The following UNC5D variants were observed in gnomAD, a reference collection of about 807,000 sequenced individuals.
The protein encoded by UNC5D is unc-5 netrin receptor D.
In UNC5D, 39 loss-of-function variants were observed where a neutral mutation model predicts 105.4. The ratio of observed to expected loss-of-function variants is 0.37; its 90% CI spans 0.29 to 0.48. The LOEUF (loss-of-function observed/expected upper bound fraction) is 0.48. Ranked by LOEUF, UNC5D falls within the 20% of genes least tolerant of loss-of-function variation. The probability of loss-of-function intolerance (pLI) is 0.98; values close to 1 mark genes in which losing one functional copy is unlikely to be tolerated. For missense variants in UNC5D, 991 were observed against 1,202.4 expected (o/e 0.82, Z 2.60); for synonymous variants, 452 against 450.4 (o/e 1.00, Z -0.04).
intron 1 of UNC5D, among the ~76,000 whole-genome samples, chr8:35,496,818 C>T (rs1012501723): frequency 1.4e-4 from 22 of 152,162 alleles, no homozygotes; most frequent in Admixed American, 5.2e-4. Context: ...TACAAAGCAG[C>T]TATTCTACAG....
intron 1 of UNC5D, among the ~76,000 whole-genome samples, chr8:35,273,616 C>T (rs1374033778): frequency 3.3e-5 from 5 of 152,146 alleles, no homozygotes; most frequent in Admixed American, 3.3e-4. Context: ...AAGTATTTTT[C>T]CCCAAGGAAA....
At chr8:35,576,860 G>T (rs765732500) in intron 3 of UNC5D, among the ~76,000 whole-genome samples, 3 of 151,984 alleles carry the variant, frequency 2.0e-5, no homozygotes, top group Non-Finnish European at 4.4e-5. Flanking sequence ...TGATCCTCCC[G>T]CCTCGGCCTC....
At chr8:35,504,800 C>T (rs1812200871) in intron 1 of UNC5D, among the ~76,000 whole-genome samples, 1 of 152,102 alleles carries the variant, frequency 6.6e-6, no homozygotes, top group Non-Finnish European at 1.5e-5. Flanking sequence ...CGCATCTGTT[C>T]ATGGTGGTTC....
At chr8:35,444,521 C>A (rs576496545) in intron 1 of UNC5D, among the ~76,000 whole-genome samples, 2 of 151,970 alleles carry the variant, frequency 1.3e-5, no homozygotes, top group Non-Finnish European at 2.9e-5. Context: ...ATGGCATATA[C>A]CATGCATATA....
chr8:35,337,980 C>T (rs1490499028), intron 1 of UNC5D, among the ~76,000 whole-genome samples: 3 of 152,198 alleles, frequency 2.0e-5, no homozygotes, highest in Non-Finnish European at 4.4e-5. Flanking sequence ...TTGCAGAATG[C>T]AAATGATTAT....
chr8:35,282,368 A>G (rs1294494784), intron 1 of UNC5D, among the ~76,000 whole-genome samples: 1 of 152,170 alleles, frequency 6.6e-6, no homozygotes, highest in Non-Finnish European at 1.5e-5. Context: ...TTCCTCTTGT[A>G]AGGAACAATA....
chr8:35,300,976 T>C (rs1270073452), intron 1 of UNC5D, among the ~76,000 whole-genome samples: 2 of 152,208 alleles, frequency 1.3e-5, no homozygotes, highest in Non-Finnish European at 2.9e-5. Flanking sequence ...TGTGTATGTT[T>C]ATGTGTATAC....
intron 1 of UNC5D, among the ~76,000 whole-genome samples, chr8:35,295,385 T>G (rs1807406826): frequency 6.6e-6 from 1 of 152,242 alleles, no homozygotes; most frequent in Non-Finnish European, 1.5e-5. Flanking sequence ...CAAGTTTTTT[T>G]CAAATTGTTG....
chr8:35,598,065 C>G (rs781651506), intron 4 of UNC5D, among the ~76,000 whole-genome samples: 12 of 152,086 alleles, frequency 7.9e-5, no homozygotes, highest in Non-Finnish European at 1.8e-4. Flanking sequence ...TTCCCCAGTT[C>G]TCACACTGCT....
chr8:35,586,999 A>AG (rs1818832629), intron 3 of UNC5D, among the ~76,000 whole-genome samples: 1 of 152,148 alleles, frequency 6.6e-6, no homozygotes, highest in African/African-American at 2.4e-5. Flanking sequence ...GGGGTGAGGA[A>AG]GGGGAGGCTG....
intron 1 of UNC5D, among the ~76,000 whole-genome samples, chr8:35,302,074 A>C (rs972579396): frequency 1.3e-5 from 2 of 152,182 alleles, no homozygotes; most frequent in Non-Finnish European, 2.9e-5. Flanking sequence ...AAATGGGATT[A>C]GAGGTGCTGG....
intron 1 of UNC5D, chr8:35,255,192 A>G (rs1283951497): frequency 3.3e-5 from 5 of 152,124 alleles, no homozygotes; most frequent in African/African-American, 4.8e-5. Context: ...TGCTCTTCTT[A>G]TCATCTCAGA....
At chr8:35,595,001 G>T (rs1015453855) in intron 3 of UNC5D, among the ~76,000 whole-genome samples, 2 of 152,180 alleles carry the variant, frequency 1.3e-5, no homozygotes, top group Non-Finnish European at 2.9e-5. Flanking sequence ...TGTTTGGTTG[G>T]ATAGGTTATA....
intron 11 of UNC5D, 106 bp downstream of exon 11, chr8:35,731,202 C>T: frequency 1.9e-6 from 2 of 1,036,636 alleles, no homozygotes; most frequent in East Asian, 5.2e-5. Flanking sequence ...AGTTCGAGAC[C>T]AGCCTGGCCA....
intron 15 of UNC5D, among the ~76,000 whole-genome samples, chr8:35,770,894 C>T (rs1471028839): frequency 6.6e-6 from 1 of 152,082 alleles, no homozygotes; most frequent in Non-Finnish European, 1.5e-5. Flanking sequence ...CTTAGCTTAC[C>T]AGGTAGCAGC....
chr8:35,240,354 T>C (rs2128800503), intron 1 of UNC5D, among the ~76,000 whole-genome samples: 1 of 152,342 alleles, frequency 6.6e-6, no homozygotes, highest in East Asian at 1.9e-4. Flanking sequence ...TAAATACATT[T>C]CTGCAACTTT....
At chr8:35,675,707 C>A (rs1005773973) in intron 4 of UNC5D, among the ~76,000 whole-genome samples, 2 of 151,988 alleles carry the variant, frequency 1.3e-5, no homozygotes, top group African/African-American at 4.8e-5. Context: ...TGGGGTCCTG[C>A]ATATGAGGAA....
intron 7 of UNC5D, among the ~76,000 whole-genome samples, chr8:35,696,658 C>CTTTGTTTTGA (rs1436344380): frequency 2.0e-5 from 3 of 152,086 alleles, no homozygotes; most frequent in Non-Finnish European, 4.4e-5. Flanking sequence ...AAGGAAACCT[C>CTTTGTTTTGA]TTTGTTTTGA....
chr8:35,683,846 A>C lies in UNC5D; in HGVS notation c.751+119A>C, dbSNP rs1825835138. ...AAAGACCTTGGGGTTCATTCACAGC[A>C]GTGCTCTATCCTGCCTCCCTCGTCT... is the stretch of plus-strand genomic sequence containing the variant. On this transcript the variant is annotated intron_variant, in intron 5 of 16. Transcript: ENST00000404895. 8 of 1,009,518 alleles carry C rather than the reference A, an allele frequency of 7.9e-6. No individual in the cohort carries two copies. The South Asian group carries it at 2.7e-4, about 34-fold the overall frequency. 62.5% of individuals were successfully genotyped at this position (1,009,518 alleles called of 1,614,324 possible).
Sources: allele counts gnomAD v4.1 joint callset (sites outside exome capture counted in the v4.1 genomes callset), GRCh38; gene constraint gnomAD v4.1.1; transcripts MANE v1.5; gene names NCBI Gene and HGNC (gene_info 2026-07-23, HGNC 2026-07-21).